Variants in OGG1 observed in about 807,000 individuals in gnomAD.
The protein encoded by OGG1 is N-glycosylase/DNA lyase.
A neutral mutation model predicts 42.3 loss-of-function variants in OGG1; 35 were observed. The ratio of observed to expected loss-of-function variants is 0.83; its 90% CI spans 0.63 to 1.10. The LOEUF (loss-of-function observed/expected upper bound fraction) is 1.10. Ranked by LOEUF, OGG1 falls within the 50% of genes least tolerant of loss-of-function variation. OGG1 has a pLI of 0.00. For synonymous variants in OGG1, 189 were observed against 179.0 expected (o/e 1.06, Z -0.44); for missense variants, 484 against 446.7 (o/e 1.08, Z -0.75).
intron 3 of OGG1, chr3:9,784,057 G>A (rs767722587): frequency 9.9e-6 from 16 of 1,614,024 alleles, no homozygotes; most frequent in East Asian, 2.2e-5. Context: ...TGGTGCGGTT[G>A]TGGGCACTAA....
chr3:9,761,923 TC>T, downstream of OGG1: 1 of 1,025,962 alleles, frequency 9.7e-7, no homozygotes, highest in Non-Finnish European at 1.4e-6. Flanking sequence ...GGCCAAAAAT[TC>T]CAGGAAGGAC....
intron 2 of OGG1, among the ~76,000 whole-genome samples, chr3:9,776,904 T>C (rs530599045): frequency 4.6e-5 from 7 of 152,306 alleles, no homozygotes; most frequent in Admixed American, 3.3e-4. Flanking sequence ...GGGGAGTTTA[T>C]TGATACCTAA....
intron 3 of OGG1, among the ~76,000 whole-genome samples, chr3:9,786,084 G>C (rs7618535): frequency 4.6e-5 from 7 of 151,988 alleles, no homozygotes; most frequent in Non-Finnish European, 1.0e-4. Flanking sequence ...GACTACAGGC[G>C]CCTGCCACTA....
intron 3 of OGG1, chr3:9,785,256 T>A (rs912152942): frequency 7.3e-7 from 1 of 1,378,878 alleles, no homozygotes; most frequent in Non-Finnish European, 1.0e-6. Flanking sequence ...CAGGTTGAGA[T>A]GGAGAGAAGC....
chr3:9,780,753 G>A (rs555994731), intron 2 of OGG1, among the ~76,000 whole-genome samples: 6 of 152,320 alleles, frequency 3.9e-5, no homozygotes, highest in East Asian at 1.9e-4. Flanking sequence ...TGTTGATCAC[G>A]GGGGAGGCTG....
chr3:9,754,777 AGCCATCCTGGAAGAACAGGG>A lies in OGG1; in HGVS notation c.640_659del (p.Ala214ArgfsTer14). 6.2e-7 allele frequency: 1 copy of A among 1,614,018 alleles called. No individual in the cohort carries two copies. Among genetic ancestry groups the A allele is most frequent in the African/African-American group, 1.3e-5 (1 of 75,052 alleles). ...CCCGTTACGTGAGTGCCAGTGCCCG[AGCCATCCTGGAAGAACAGGG>A]CGGGCTAGCCTGGCTGCAGCAGCTA... On this transcript the variant is annotated frameshift_variant, in exon 4 of 7. Coordinates refer to ENST00000344629, the MANE Select transcript of OGG1 (RefSeq NM_002542.6). LOFTEE classifies it high-confidence loss of function.
chr3:9,779,432 A>G (rs956430964), intron 2 of OGG1, among the ~76,000 whole-genome samples: 2 of 151,954 alleles, frequency 1.3e-5, no homozygotes, highest in African/African-American at 4.8e-5. Context: ...CTGCCACACT[A>G]CAGCCAGAGA....
At chr3:9,765,268 T>C (rs1207550697) in intron 7 of OGG1, among the ~76,000 whole-genome samples, 2 of 151,510 alleles carry the variant, frequency 1.3e-5, no homozygotes, top group African/African-American at 4.8e-5. Context: ...GGTTGGAAGC[T>C]CAGGGGAGAG....
At chr3:9,768,738 C>G (rs2078225704), downstream of OGG1, among the ~76,000 whole-genome samples, 1 of 152,210 alleles carries the variant, frequency 6.6e-6, no homozygotes, top group Non-Finnish European at 1.5e-5. Context: ...GCTTTGTGAC[C>G]TCAGGGAGAG....
chr3:9,780,614 C>T (rs2078437296), intron 2 of OGG1: 25 of 1,497,092 alleles, frequency 1.7e-5, no homozygotes, highest in Middle Eastern at 2.4e-4. Flanking sequence ...CCTCCCTCTT[C>T]AAGACCGAGC....
intron 3 of OGG1, 167 bp downstream of exon 3, chr3:9,752,116 C>T: frequency 3.1e-6 from 2 of 655,032 alleles, no homozygotes; most frequent in Non-Finnish European, 5.4e-6. Context: ...CCCTATGCAT[C>T]CCTAAAATGT....
At chr3:9,765,047 C>G (rs2078086472) in intron 7 of OGG1, among the ~76,000 whole-genome samples, 1 of 151,388 alleles carries the variant, frequency 6.6e-6, no homozygotes, top group East Asian at 2.0e-4. Context: ...GCCAACATGG[C>G]GAAACCCCAT....
At chr3:9,764,633 T>G (rs1298617111) in intron 7 of OGG1, among the ~76,000 whole-genome samples, 4 of 147,468 alleles carry the variant, frequency 2.7e-5, no homozygotes, top group South Asian at 2.2e-4. Context: ...TTTTTGTTTT[T>G]TTTTTTTTTT....
intron 2 of OGG1, among the ~76,000 whole-genome samples, chr3:9,776,916 C>G (rs1049625859): frequency 2.0e-5 from 3 of 152,186 alleles, no homozygotes; most frequent in Non-Finnish European, 4.4e-5. Context: ...GATACCTAAA[C>G]GAGTGAGTTA....
At chr3:9,763,320 C>T (rs2077979437) in intron 7 of OGG1, 1 of 1,372,280 alleles carries the variant, frequency 7.3e-7, no homozygotes, top group Non-Finnish European at 1.0e-6. Flanking sequence ...TTGGCCCCAG[C>T]AGTTCAAAGC....
In OGG1 at chr3:9,785,277, G is replaced by C. The variant is rs200605874; in HGVS notation, c.383-2451G>C. The stretch of plus-strand genomic sequence containing the variant: ...GAGATGGAGAGAAGCCAACAGAAGC[G>C]GGGGCCAGACTGTGGGTTGTGGATA... On this transcript the variant is annotated intron_variant, in intron 3 of 3. Transcript: ENST00000426518. The C allele has an allele frequency of 4.3e-5, 65 of 1,516,396 alleles. No homozygotes were observed. The African/African-American group carries it at 6.4e-4, about 15-fold the overall frequency. 93.9% of individuals were successfully genotyped at this position (1,516,396 alleles called of 1,614,324 possible). A position where few individuals can be genotyped will look rare whatever the true frequency, so the allele number is the denominator to read the frequency against.
chr3:9,775,160 A>C (rs2078349325), intron 2 of OGG1, among the ~76,000 whole-genome samples: 1 of 152,018 alleles, frequency 6.6e-6, no homozygotes, highest in African/African-American at 2.4e-5. Flanking sequence ...GAATCACTTG[A>C]ACCTGGGAGG....
downstream of OGG1, chr3:9,757,551 G>C (rs1575213128): frequency 2.5e-6 from 4 of 1,613,692 alleles, no homozygotes; most frequent in East Asian, 4.5e-5. The surrounding 1 kb of genome is among the most constrained non-coding windows in gnomAD (Gnocchi z 4.5). Flanking sequence ...AGAGCTGGTG[G>C]GGCAGTGTGG....
Position 9,751,877 on chromosome 3 carries a change from G to A in OGG1, c.493G>A (p.Ala165Thr), listed in dbSNP as rs745652764. 2 of 1,614,058 alleles carry A rather than the reference G, an allele frequency of 1.2e-6. No homozygotes were observed. The highest frequency in any genetic ancestry group is 1.7e-6 in the Non-Finnish European group (2 of 1,180,046). Residue 165 changes from alanine (A) to threonine (T), a missense_variant, in exon 3 of 7, where the codon GCT becomes ACT. Coordinates refer to ENST00000344629, the MANE Select transcript of OGG1 (RefSeq NM_002542.6). ...ITGMVERLCQ[A>T]FGPRLIQLDD... Reference sequence around the variant, plus strand: ...TGGCATGGTGGAGCGGCTGTGCCAGGCTTTTGGACCTCGGCTCATCCAGCT... The same window carrying A: ...TGGCATGGTGGAGCGGCTGTGCCAGACTTTTGGACCTCGGCTCATCCAGCT...
Sources: allele counts gnomAD v4.1 joint callset (sites outside exome capture counted in the v4.1 genomes callset), GRCh38; gene constraint gnomAD v4.1.1; non-coding constraint Gnocchi (gnomAD v3.1); transcripts MANE v1.5; gene names NCBI Gene and HGNC (gene_info 2026-07-23, HGNC 2026-07-21).